Variants in CSMD1 observed in about 807,000 individuals in gnomAD.
The protein encoded by CSMD1 is CUB and Sushi multiple domains 1.
CSMD1 carries 213 observed loss-of-function variants against 417.5 expected under a neutral mutation model. The ratio of observed to expected loss-of-function variants is 0.51; its 90% CI spans 0.46 to 0.57. The LOEUF is 0.57. Among genes scored for constraint, CSMD1 ranks in the 20% least tolerant of loss-of-function variants. CSMD1 has a pLI of 0.00. For missense variants in CSMD1, 6,923 were observed against 4,529.7 expected, an observed-to-expected ratio of 1.53 and a Z score of -15.17; for synonymous variants, 2,862 against 1,736.8, an observed-to-expected ratio of 1.65 and a Z score of -16.11.
chr8:4,589,685 A>T (rs925151106), intron 2 of CSMD1, among the ~76,000 whole-genome samples: 1 of 152,230 alleles, frequency 6.6e-6, no homozygotes, highest in African/African-American at 2.4e-5. Flanking sequence ...TAACCTCCGC[A>T]ATTGTTGAAT....
At chr8:4,213,038 T>C (rs1030455274) in intron 3 of CSMD1, among the ~76,000 whole-genome samples, 2 of 152,110 alleles carry the variant, frequency 1.3e-5, no homozygotes, top group Admixed American at 6.5e-5. Flanking sequence ...GAGTTACTAA[T>C]TTAAGACCCA....
chr8:4,433,485 G>C (rs532145050), intron 2 of CSMD1, among the ~76,000 whole-genome samples: 2 of 152,132 alleles, frequency 1.3e-5, no homozygotes, highest in African/African-American at 4.8e-5. Flanking sequence ...CTGCAAGCGC[G>C]GCCAAGTGTT....
intron 49 of CSMD1, among the ~76,000 whole-genome samples, chr8:3,084,892 T>C (rs1192987883): frequency 1.3e-5 from 2 of 151,404 alleles, no homozygotes; most frequent in Non-Finnish European, 2.9e-5. Flanking sequence ...TACTTTTTGC[T>C]ACATTTTGTT....
At chr8:4,917,356 AG>A (rs1169494231) in intron 1 of CSMD1, among the ~76,000 whole-genome samples, 1 of 152,170 alleles carries the variant, frequency 6.6e-6, no homozygotes, top group East Asian at 1.9e-4. Flanking sequence ...GATTTGGGGC[AG>A]GGTGCGGCGG....
intron 3 of CSMD1, among the ~76,000 whole-genome samples, chr8:4,192,090 C>G (rs1480082543): frequency 1.3e-5 from 2 of 151,894 alleles, no homozygotes; most frequent in Admixed American, 6.6e-5. Flanking sequence ...AACAGAAAAC[C>G]AAAAACGTGG....
At chr8:4,046,401 A>G (rs1798148672) in intron 3 of CSMD1, among the ~76,000 whole-genome samples, 1 of 152,148 alleles carries the variant, frequency 6.6e-6, no homozygotes, top group Non-Finnish European at 1.5e-5. Flanking sequence ...CAAATCCATG[A>G]TTTTCATATT....
intron 4 of CSMD1, among the ~76,000 whole-genome samples, chr8:4,011,902 A>T (rs1339055982): frequency 6.6e-6 from 1 of 152,104 alleles, no homozygotes; most frequent in Non-Finnish European, 1.5e-5. Flanking sequence ...ATGGAATTTT[A>T]TTTGCATATA....
At chr8:4,533,114 C>A (rs1370540897) in intron 2 of CSMD1, among the ~76,000 whole-genome samples, 1 of 152,210 alleles carries the variant, frequency 6.6e-6, no homozygotes, top group Non-Finnish European at 1.5e-5. Flanking sequence ...AAATGGCCAT[C>A]CAACATATGG....
At chr8:4,516,632 C>T (rs896175878) in intron 2 of CSMD1, among the ~76,000 whole-genome samples, 12 of 152,104 alleles carry the variant, frequency 7.9e-5, no homozygotes, top group African/African-American at 2.7e-4. Flanking sequence ...CTGATAAAAC[C>T]TGTTGTGTGA....
At chr8:3,129,909 G>C (rs933085060) in intron 41 of CSMD1, among the ~76,000 whole-genome samples, 2 of 152,034 alleles carry the variant, frequency 1.3e-5, no homozygotes, top group African/African-American at 2.4e-5. Flanking sequence ...TGAGCCCGGG[G>C]GGCGGAGGTT....
At chr8:3,078,827 C>A (rs1224978192) in intron 49 of CSMD1, among the ~76,000 whole-genome samples, 5 of 152,136 alleles carry the variant, frequency 3.3e-5, no homozygotes, top group Admixed American at 2.6e-4. Context: ...GCTTGACAGC[C>A]AACCAATAGG....
chr8:4,237,724 G>C (rs1249666710), intron 3 of CSMD1, among the ~76,000 whole-genome samples: 1 of 152,102 alleles, frequency 6.6e-6, no homozygotes, highest in African/African-American at 2.4e-5. Context: ...TGTTGACCAG[G>C]CTAGTCTCAA....
chr8:3,749,870 G>A (rs191542592), intron 6 of CSMD1, among the ~76,000 whole-genome samples: 4 of 152,020 alleles, frequency 2.6e-5, no homozygotes, highest in African/African-American at 4.8e-5. Flanking sequence ...TGACAATGGT[G>A]CTCGCATCTC....
chr8:4,158,502 T>C (rs533819017), intron 3 of CSMD1, among the ~76,000 whole-genome samples: 2 of 152,092 alleles, frequency 1.3e-5, no homozygotes, highest in East Asian at 1.9e-4. Context: ...CAAAAGGATA[T>C]TGGAAAAACT....
At chr8:4,096,801 G>A (rs995682285) in intron 3 of CSMD1, among the ~76,000 whole-genome samples, 6 of 152,156 alleles carry the variant, frequency 3.9e-5, no homozygotes, top group African/African-American at 1.4e-4. Context: ...CTCCGACGCT[G>A]TCTTCTGACC....
At chr8:3,443,755 G>C (rs962825937) in intron 12 of CSMD1, among the ~76,000 whole-genome samples, 6 of 152,152 alleles carry the variant, frequency 3.9e-5, no homozygotes, top group African/African-American at 1.4e-4. Flanking sequence ...AGCTTTAAAG[G>C]ACCTTGAAAT....
intron 11 of CSMD1, among the ~76,000 whole-genome samples, chr8:3,476,023 T>C (rs908685297): frequency 1.3e-5 from 2 of 152,240 alleles, no homozygotes; most frequent in African/African-American, 4.8e-5. Context: ...AATGGTTCAA[T>C]AGTTCTATTC....
At chr8:3,938,352 G>T (rs1231253655) in intron 5 of CSMD1, among the ~76,000 whole-genome samples, 13 of 152,120 alleles carry the variant, frequency 8.5e-5, no homozygotes, top group Non-Finnish European at 1.5e-5. Flanking sequence ...ACAACATAAA[G>T]TAATAGAGTC....
At chr8:3,842,239 T>C (rs1282276997) in intron 5 of CSMD1, among the ~76,000 whole-genome samples, 1 of 152,126 alleles carries the variant, frequency 6.6e-6, no homozygotes, top group African/African-American at 2.4e-5. Flanking sequence ...GCTTGTCCAT[T>C]TCTCTGTTAA....
Sources: gnomAD v4.1 joint callset for allele counts (sites outside exome capture counted in the v4.1 genomes callset) on GRCh38, gnomAD v4.1.1 for gene constraint, MANE v1.5 for transcripts, NCBI Gene and HGNC (gene_info 2026-07-23, HGNC 2026-07-21) for gene names.